CSMD1: variants seen among roughly 807,000 people sequenced by gnomAD.
CSMD1 encodes CUB and Sushi multiple domains 1.
Under a neutral mutation model 417.5 loss-of-function variants are expected in CSMD1, and 213 were observed. That is an observed-to-expected ratio of 0.51 (90% CI 0.46 to 0.57). The LOEUF is 0.57. Ranked by LOEUF, CSMD1 falls within the 20% of genes least tolerant of loss-of-function variation. CSMD1 has a pLI of 0.00. For synonymous variants in CSMD1, 2,862 were observed against 1,736.8 expected (o/e 1.65, Z -16.11); for missense variants, 6,923 against 4,529.7 (o/e 1.53, Z -15.17).
At chr8:4,296,615 G>GT (rs1046089463) in intron 3 of CSMD1, among the ~76,000 whole-genome samples, 149 of 13,560 alleles carry the variant, frequency 0.011, 1 homozygote, top group African/African-American at 0.012. Context: ...TTTTATAATA[G>GT]TTTGTTATTT....
chr8:3,331,099 G>T (rs1027016019), intron 23 of CSMD1, among the ~76,000 whole-genome samples: 1 of 152,056 alleles, frequency 6.6e-6, no homozygotes, highest in South Asian at 2.1e-4. Flanking sequence ...TTAGCCTGGC[G>T]TGGTGGCGGG....
At chr8:3,898,725 G>T (rs1807528145) in intron 5 of CSMD1, among the ~76,000 whole-genome samples, 1 of 152,160 alleles carries the variant, frequency 6.6e-6, no homozygotes, top group African/African-American at 2.4e-5. Context: ...TTCCTGAGCA[G>T]AAAATCCTAC....
chr8:3,893,362 T>TATATATATATA (rs1554476819), intron 5 of CSMD1, among the ~76,000 whole-genome samples: 39 of 125,488 alleles, frequency 3.1e-4, no homozygotes, highest in East Asian at 1.6e-3. Flanking sequence ...TATATATATA[T>TATATATATATA]TATTTTTTTT....
chr8:4,193,269 G>A (rs1164603621), intron 3 of CSMD1, among the ~76,000 whole-genome samples: 1 of 152,138 alleles, frequency 6.6e-6, no homozygotes, highest in Non-Finnish European at 1.5e-5. Context: ...AAAATACGTT[G>A]CATCACACGT....
At chr8:4,245,210 C>G (rs1423515177) in intron 3 of CSMD1, among the ~76,000 whole-genome samples, 1 of 152,192 alleles carries the variant, frequency 6.6e-6, no homozygotes, top group African/African-American at 2.4e-5. Flanking sequence ...TAACTTACCA[C>G]TGGTTTTCTG....
intron 2 of CSMD1, among the ~76,000 whole-genome samples, chr8:4,425,493 A>G (rs1298890176): frequency 6.6e-6 from 1 of 152,034 alleles, no homozygotes. Flanking sequence ...TTAAATGTTT[A>G]TAGCCATTTA....
chr8:4,392,054 C>T (rs1438427680), intron 3 of CSMD1, among the ~76,000 whole-genome samples: 2 of 152,192 alleles, frequency 1.3e-5, no homozygotes, highest in African/African-American at 4.8e-5. Context: ...GGCAATGCGA[C>T]CCTGTGGGAC....
intron 3 of CSMD1, among the ~76,000 whole-genome samples, chr8:4,288,321 G>A (rs1024136239): frequency 6.6e-6 from 1 of 152,038 alleles, no homozygotes; most frequent in African/African-American, 2.4e-5. Context: ...CCACCCTGAA[G>A]GGCTCCCTTC....
intron 42 of CSMD1, among the ~76,000 whole-genome samples, chr8:3,113,843 G>A (rs1020650317): frequency 6.6e-6 from 1 of 152,186 alleles, no homozygotes; most frequent in Non-Finnish European, 1.5e-5. Context: ...TCTTTATTGT[G>A]CTACCTTTTC....
At chr8:3,412,860 G>A (rs1328922787) in intron 12 of CSMD1, among the ~76,000 whole-genome samples, 2 of 152,236 alleles carry the variant, frequency 1.3e-5, no homozygotes, top group African/African-American at 4.8e-5. Flanking sequence ...AACCGACAGT[G>A]AGTTCAAAAC....
chr8:2,947,467 A>G (rs11988023), intron 68 of CSMD1, among the ~76,000 whole-genome samples: 1,962 of 152,336 alleles, frequency 0.013, 53 homozygotes, highest in African/African-American at 0.045. Context: ...ATTATTTTGT[A>G]AAGTAAACTG....
chr8:3,714,169 A>G (rs1242161394), intron 6 of CSMD1, among the ~76,000 whole-genome samples: 1 of 150,314 alleles, frequency 6.7e-6, no homozygotes, highest in Non-Finnish European at 1.5e-5. Flanking sequence ...AACATATTAC[A>G]TATTATATAT....
intron 2 of CSMD1, among the ~76,000 whole-genome samples, chr8:4,580,453 C>A (rs1399803472): frequency 6.6e-6 from 1 of 152,174 alleles, no homozygotes; most frequent in South Asian, 2.1e-4. Context: ...ATCCACTTTA[C>A]AGGTGAGAAA....
At chr8:4,607,301 C>T (rs978515940) in intron 2 of CSMD1, among the ~76,000 whole-genome samples, 8 of 151,808 alleles carry the variant, frequency 5.3e-5, no homozygotes, top group African/African-American at 1.9e-4. Flanking sequence ...AAAAAAAATG[C>T]ATTTGAACGT....
At chr8:3,652,364 C>T (rs1057505167) in intron 7 of CSMD1, among the ~76,000 whole-genome samples, 1 of 152,174 alleles carries the variant, frequency 6.6e-6, no homozygotes, top group Non-Finnish European at 1.5e-5. Flanking sequence ...AGCATGCTTA[C>T]CACCATCAGA....
chr8:4,459,416 G>C (rs1445057939), intron 2 of CSMD1, among the ~76,000 whole-genome samples: 3 of 152,302 alleles, frequency 2.0e-5, no homozygotes, highest in African/African-American at 7.2e-5. Flanking sequence ...GAGTGTCTCT[G>C]CCCCACGTCT....
chr8:4,116,167 T>A lies in CSMD1; in HGVS notation c.416-84068A>T, dbSNP rs570200537. Among the ~76,000 whole-genome samples the A allele has an allele frequency of 8.6e-5, 13 of 151,964 alleles. 1 individual carries two copies. In the South Asian group the frequency reaches 2.3e-3, roughly 27 times the overall value. ...TACCACCGCACCCAGCTAATTTTTG[T>A]ATTTTTAGTACAGACGGGGTTTCCC... On this transcript the variant is annotated intron_variant, in intron 3 of 69. Transcript: ENST00000635120.
At chr8:4,749,957 C>T (rs1307979789) in intron 1 of CSMD1, among the ~76,000 whole-genome samples, 1 of 151,850 alleles carries the variant, frequency 6.6e-6, no homozygotes, top group South Asian at 2.1e-4. Flanking sequence ...TTCATGGTTC[C>T]CTCAAGTGCC....
At position 3,795,416 on chromosome 8, in the gene CSMD1, T is replaced by G. The variant is rs562266434; in HGVS notation, c.819-41374A>C. On this transcript the variant is annotated intron_variant, in intron 5 of 69. Coordinates refer to ENST00000635120, the MANE Select transcript of CSMD1 (RefSeq NM_033225.6). ...TAGATATCTATCATAGATATAGATA[T>G]ATATCTATCATAGATATAGATATAT... 2.1e-4 allele frequency among the ~76,000 whole-genome samples: 8 copies of G among 37,388 alleles called. 1 individual carries two copies. Among genetic ancestry groups the G allele is most frequent in the Admixed American group, 7.1e-4 (2 of 2,820 alleles). The allele number at this position is 37,388 out of a possible 152,430, so 24.5% of individuals were successfully genotyped here.
Sources: allele counts gnomAD v4.1 joint callset (sites outside exome capture counted in the v4.1 genomes callset), GRCh38; gene constraint gnomAD v4.1.1; transcripts MANE v1.5; gene names NCBI Gene and HGNC (gene_info 2026-07-23, HGNC 2026-07-21).